NXPE2: variants seen among roughly 807,000 people sequenced by gnomAD.
The protein encoded by NXPE2 is neurexophilin and PC-esterase domain family member 2.
Under a neutral mutation model 34.4 loss-of-function variants are expected in NXPE2, and 34 were observed. The ratio of observed to expected loss-of-function variants is 0.99; its 90% CI spans 0.75 to 1.31. NXPE2 has a LOEUF of 1.31. NXPE2 is among the 40% of genes most tolerant of loss of function. The pLI is 0.00. For missense variants in NXPE2, 649 were observed against 672.5 expected, an observed-to-expected ratio of 0.97 and a Z score of 0.39; for synonymous variants, 235 against 231.3, an observed-to-expected ratio of 1.02 and a Z score of -0.15.
the NXPE2 span, among the ~76,000 whole-genome samples, chr11:114,661,977 T>C: frequency 0.5 from 76,125 of 151,938 alleles, 20,198 homozygotes; most frequent in East Asian, 0.79. Flanking sequence ...GGAGGTGGGG[T>C]AAGATGGCAG....
the NXPE2 span, among the ~76,000 whole-genome samples, chr11:114,769,538 A>G: frequency 6.6e-6 from 1 of 152,334 alleles, no homozygotes; most frequent in East Asian, 1.9e-4. Context: ...ACTGTTCACA[A>G]TAGCAAAGTC....
At chr11:114,650,298 G>A in the NXPE2 span, among the ~76,000 whole-genome samples, 7 of 152,292 alleles carry the variant, frequency 4.6e-5, no homozygotes, top group South Asian at 6.2e-4. Flanking sequence ...ATTGTTAAAC[G>A]CCAAATGTGA....
chr11:114,733,387 C>G, the NXPE2 span, among the ~76,000 whole-genome samples: 1 of 152,198 alleles, frequency 6.6e-6, no homozygotes. Context: ...GCCACCGTGC[C>G]CGGCCTAATA....
At chr11:114,646,592 AAT>A in the NXPE2 span, among the ~76,000 whole-genome samples, 3 of 152,194 alleles carry the variant, frequency 2.0e-5, no homozygotes, top group African/African-American at 7.2e-5. Flanking sequence ...TCAATAAGAA[AAT>A]ATGTTACATA....
At chr11:114,622,286 C>T in the NXPE2 span, among the ~76,000 whole-genome samples, 1 of 151,700 alleles carries the variant, frequency 6.6e-6, no homozygotes. Context: ...TCACTGTTAC[C>T]TGCTGGATAA....
the NXPE2 span, among the ~76,000 whole-genome samples, chr11:114,673,074 A>ATT: frequency 9.7e-4 from 144 of 148,312 alleles, no homozygotes; most frequent in African/African-American, 3.4e-3. Flanking sequence ...CTATATATAT[A>ATT]TTATATATAT....
At chr11:114,762,575 A>G in the NXPE2 span, among the ~76,000 whole-genome samples, 1 of 152,292 alleles carries the variant, frequency 6.6e-6, no homozygotes, top group African/African-American at 2.4e-5. Flanking sequence ...ACGCTGAAGG[A>G]AAGGGACTTC....
At chr11:114,712,767 G>A in the NXPE2 span, among the ~76,000 whole-genome samples, 3 of 152,124 alleles carry the variant, frequency 2.0e-5, no homozygotes, top group Non-Finnish European at 4.4e-5. Context: ...TCCCACTGTG[G>A]CTAGATATTC....
At chr11:114,720,369 T>A in the NXPE2 span, among the ~76,000 whole-genome samples, 1 of 152,238 alleles carries the variant, frequency 6.6e-6, no homozygotes, top group African/African-American at 2.4e-5. Flanking sequence ...TCCCTTGATA[T>A]ATCTGAAGGC....
the NXPE2 span, among the ~76,000 whole-genome samples, chr11:114,521,232 C>T: frequency 5.6e-4 from 85 of 152,258 alleles, no homozygotes; most frequent in Non-Finnish European, 9.4e-4. Context: ...AAGGGTTTAC[C>T]CAACTCCACT....
chr11:114,537,246 A>G, the NXPE2 span, among the ~76,000 whole-genome samples: 2 of 152,170 alleles, frequency 1.3e-5, no homozygotes, highest in Non-Finnish European at 2.9e-5. Flanking sequence ...CATGCTAAAA[A>G]CTCTCAATAA....
the NXPE2 span, among the ~76,000 whole-genome samples, chr11:114,808,686 A>C: frequency 2.0e-5 from 3 of 151,654 alleles, no homozygotes; most frequent in African/African-American, 7.3e-5. Flanking sequence ...AGGCTCTGAA[A>C]TTGAGGCAAT....
At chr11:114,486,054 T>C in the NXPE2 span, among the ~76,000 whole-genome samples, 1 of 152,214 alleles carries the variant, frequency 6.6e-6, no homozygotes, top group Non-Finnish European at 1.5e-5. Context: ...TTTTGTTTTT[T>C]TGAGGAACTA....
chr11:114,651,501 G>A, the NXPE2 span, among the ~76,000 whole-genome samples: 1 of 152,186 alleles, frequency 6.6e-6, no homozygotes, highest in East Asian at 1.9e-4. Flanking sequence ...AAGAGCAAAA[G>A]AACAAACCTG....
At chr11:114,799,291 C>CAAAAAAAAAAA in the NXPE2 span, among the ~76,000 whole-genome samples, 2 of 94,294 alleles carry the variant, frequency 2.1e-5, no homozygotes, top group African/African-American at 3.9e-5. Flanking sequence ...GGCAATGAAG[C>CAAAAAAAAAAA]AAAAAAAAAA....
At chr11:114,622,146 G>C in the NXPE2 span, among the ~76,000 whole-genome samples, 7 of 151,986 alleles carry the variant, frequency 4.6e-5, no homozygotes, top group Non-Finnish European at 7.4e-5. Flanking sequence ...TGCCTCATGG[G>C]TAGCCACTGT....
the NXPE2 span, among the ~76,000 whole-genome samples, chr11:114,759,062 G>GCACAAACACACA: frequency 6.6e-6 from 1 of 151,808 alleles, no homozygotes; most frequent in Non-Finnish European, 1.5e-5. Flanking sequence ...ACACACACGT[G>GCACAAACACACA]CGCAAACACA....
At chr11:114,794,411 T>C in the NXPE2 span, among the ~76,000 whole-genome samples, 1 of 152,308 alleles carries the variant, frequency 6.6e-6, no homozygotes, top group East Asian at 1.9e-4. Context: ...TAGGTGCCCC[T>C]TCACTTCCAG....
chr11:114,710,082 T>C (rs1859584767), downstream of NXPE2, among the ~76,000 whole-genome samples: 1 of 151,970 alleles, frequency 6.6e-6, no homozygotes, highest in African/African-American at 2.4e-5. Context: ...CTAAAACTTA[T>C]GGGATGCAGT....
Sources: allele counts gnomAD v4.1 joint callset (sites outside exome capture counted in the v4.1 genomes callset), GRCh38; gene constraint gnomAD v4.1.1; transcripts MANE v1.5; gene names NCBI Gene and HGNC (gene_info 2026-07-23, HGNC 2026-07-21).